Variants in NECAB1 observed in about 807,000 individuals in gnomAD.
NECAB1 encodes the protein N-terminal EF-hand calcium-binding protein 1.
NECAB1 carries 29 observed loss-of-function variants against 57.5 expected under a neutral mutation model. The observed-to-expected ratio is 0.50, with a 90% CI of 0.38 to 0.69. The LOEUF (loss-of-function observed/expected upper bound fraction) is 0.69, where lower values mean the gene tolerates loss of function less well. NECAB1 is among the 30% of genes least tolerant of loss of function. The probability of loss-of-function intolerance (pLI) is 0.00; values close to 1 mark genes in which losing one functional copy is unlikely to be tolerated. For synonymous variants in NECAB1, 142 were observed against 147.7 expected (o/e 0.96, Z 0.28); for missense variants, 372 against 413.8 (o/e 0.90, Z 0.88).
At chr8:90,794,447 C>A (rs1339580797) in intron 1 of NECAB1, among the ~76,000 whole-genome samples, 1 of 152,074 alleles carries the variant, frequency 6.6e-6, no homozygotes, top group Non-Finnish European at 1.5e-5. Context: ...CTGTATCAAA[C>A]AGACAATTTC....
intron 3 of NECAB1, among the ~76,000 whole-genome samples, chr8:90,839,983 TA>T (rs1254332284): frequency 1.3e-5 from 2 of 152,206 alleles, no homozygotes; most frequent in African/African-American, 2.4e-5. Context: ...AGCTGTGCTT[TA>T]AAAAATGTTA....
intron 2 of NECAB1, among the ~76,000 whole-genome samples, chr8:90,816,731 C>T (rs1477918167): frequency 1.3e-5 from 2 of 151,786 alleles, no homozygotes; most frequent in Non-Finnish European, 3.0e-5. Flanking sequence ...ATTACTGTAG[C>T]TTTACAGTAA....
intron 2 of NECAB1, among the ~76,000 whole-genome samples, chr8:90,815,726 G>A (rs1271384334): frequency 6.6e-6 from 1 of 151,942 alleles, no homozygotes; most frequent in African/African-American, 2.4e-5. Context: ...TGACTTCATA[G>A]CACAACTTTT....
intron 5 of NECAB1, among the ~76,000 whole-genome samples, chr8:90,896,726 T>TCTACTCCACCCTGACTCATCCTGATTAC (rs1343810727): frequency 1.3e-5 from 2 of 152,336 alleles, no homozygotes; most frequent in Admixed American, 6.5e-5. Context: ...TTTTCGATTA[T>TCTACTCCACCCTGACTCATCCTGATTAC]CTACTCCACC....
chr8:90,930,982 TTA>T (rs766932053), intron 8 of NECAB1, among the ~76,000 whole-genome samples: 10 of 150,710 alleles, frequency 6.6e-5, no homozygotes, highest in Middle Eastern at 3.4e-3. Flanking sequence ...TCTGAAATTT[TTA>T]TAGTTATTTT....
intron 3 of NECAB1, among the ~76,000 whole-genome samples, chr8:90,852,998 A>C (rs745991821): frequency 1.3e-5 from 2 of 152,184 alleles, no homozygotes; most frequent in African/African-American, 2.4e-5. Context: ...AGCTGTTAAC[A>C]CTTAAGCTGT....
intron 4 of NECAB1, 88 bp from the exon 5 acceptor site, chr8:90,880,945 A>G (rs1159926156): frequency 2.2e-6 from 2 of 916,440 alleles, no homozygotes; most frequent in Non-Finnish European, 3.4e-6. Flanking sequence ...TGTTTTACTC[A>G]TTTAAGGAGT....
At chr8:90,847,852 G>C (rs1812598363) in intron 3 of NECAB1, among the ~76,000 whole-genome samples, 1 of 152,226 alleles carries the variant, frequency 6.6e-6, no homozygotes, top group Admixed American at 6.5e-5. Context: ...AGGGGCCTCT[G>C]GGTCCAGCCC....
intron 1 of NECAB1, 36 bp downstream of exon 1, chr8:90,792,021 C>T (rs1811583490): frequency 1.3e-6 from 2 of 1,506,414 alleles, no homozygotes; most frequent in African/African-American, 1.4e-5. Flanking sequence ...CGGTTGCTTC[C>T]CAGCACCTTT....
At chr8:90,891,903 A>G (rs1005918740) in intron 5 of NECAB1, among the ~76,000 whole-genome samples, 4 of 152,102 alleles carry the variant, frequency 2.6e-5, no homozygotes, top group African/African-American at 9.7e-5. Context: ...CATATTGCCC[A>G]GGCTGGTCTC....
intron 10 of NECAB1, among the ~76,000 whole-genome samples, chr8:90,946,093 T>A (rs1180613201): frequency 3.9e-5 from 6 of 152,244 alleles, no homozygotes; most frequent in African/African-American, 1.4e-4. Context: ...CTCAGTGTGA[T>A]CATTGTGTGT....
chr8:90,871,034 T>A, intron 3 of NECAB1, among the ~76,000 whole-genome samples: 1 of 152,190 alleles, frequency 6.6e-6, no homozygotes, highest in East Asian at 1.9e-4. Context: ...ACAGAGTTCA[T>A]AAAAGTACCC....
At chr8:90,929,908 A>G (rs900675804) in intron 8 of NECAB1, among the ~76,000 whole-genome samples, 3 of 152,160 alleles carry the variant, frequency 2.0e-5, no homozygotes, top group African/African-American at 7.2e-5. Flanking sequence ...GGGAAGTAGT[A>G]ACAAATAAGG....
chr8:90,847,290 A>T (rs369259484), intron 3 of NECAB1, among the ~76,000 whole-genome samples: 3 of 152,188 alleles, frequency 2.0e-5, no homozygotes, highest in Admixed American at 2.0e-4. Context: ...ATCTCCTTTG[A>T]CTCTGTGTCT....
In NECAB1 at chr8:90,956,536, C is replaced by T. The variant is rs1435035958; in HGVS notation, c.*1024C>T. On this transcript the variant is annotated 3_prime_UTR_variant, in exon 13 of 13. Transcript: ENST00000417640. The stretch of plus-strand genomic sequence containing the variant: ...CTATCTGTAGATAGTATACTATCTA[C>T]ACTCTGCTCAACAAGCTCAGAAATT... 6.6e-6 allele frequency: 1 copy of T among 151,784 alleles called. No individual in the cohort carries two copies. The highest frequency in any genetic ancestry group is 1.5e-5 in the Non-Finnish European group (1 of 67,866). 9.4% of individuals were successfully genotyped at this position (151,784 alleles called of 1,614,324 possible).
intron 3 of NECAB1, among the ~76,000 whole-genome samples, chr8:90,848,244 C>A (rs1463113219): frequency 3.3e-5 from 5 of 152,172 alleles, no homozygotes; most frequent in Admixed American, 2.6e-4. Flanking sequence ...GCTACAGTTC[C>A]CAGCAAGTTC....
chr8:90,904,840 TACTGG>T (rs1007272098), intron 5 of NECAB1, among the ~76,000 whole-genome samples: 1 of 152,070 alleles, frequency 6.6e-6, no homozygotes, highest in African/African-American at 2.4e-5. Flanking sequence ...CCAAAAAAAA[TACTGG>T]ACTGTTCAAT....
At chr8:90,935,459 CCAA>C (rs937716837) in intron 9 of NECAB1, among the ~76,000 whole-genome samples, 2 of 152,038 alleles carry the variant, frequency 1.3e-5, no homozygotes, top group African/African-American at 4.8e-5. Flanking sequence ...CCTCAAGACC[CCAA>C]CATTTTAAAA....
intron 3 of NECAB1, among the ~76,000 whole-genome samples, chr8:90,862,908 C>G (rs1808432027): frequency 6.6e-6 from 1 of 152,044 alleles, no homozygotes; most frequent in Non-Finnish European, 1.5e-5. Context: ...GTGTTTTGTT[C>G]CCACACAATA....
Sources: allele counts gnomAD v4.1 joint callset (sites outside exome capture counted in the v4.1 genomes callset), GRCh38; gene constraint gnomAD v4.1.1; transcripts MANE v1.5; gene names NCBI Gene and HGNC (gene_info 2026-07-23, HGNC 2026-07-21).